Variants in GALK2 observed in about 807,000 individuals in gnomAD.
GALK2 encodes the protein galactokinase 2, also known as N-acetylgalactosamine kinase.
A neutral mutation model predicts 52.4 loss-of-function variants in GALK2; 36 were observed. That is an observed-to-expected ratio of 0.69 (90% confidence interval 0.53 to 0.91). The LOEUF (loss-of-function observed/expected upper bound fraction) is 0.91, where lower values mean the gene tolerates loss of function less well. GALK2 is among the 40% of genes least tolerant of loss of function. The probability of loss-of-function intolerance (pLI) is 0.00; values close to 1 mark genes in which losing one functional copy is unlikely to be tolerated. For missense variants in GALK2, 579 were observed against 559.1 expected (o/e 1.04, Z -0.36); for synonymous variants, 176 against 199.1 (o/e 0.88, Z 0.98).
Position 49,292,482 on chromosome 15 carries a change from G to A in GALK2, c.912G>A (p.Leu304=), listed in dbSNP as rs934340598. The change falls in exon 8 of 10, where the codon CTG becomes CTA. Residue 304 remains leucine, a synonymous_variant. Coordinates refer to ENST00000560031, the MANE Select transcript of GALK2 (RefSeq NM_002044.4). ...PYNPEEICRC[L]GISLEELRTQ... ...ACCCTGAGGAGATCTGCAGGTGTCT[G>A]GGAATTAGCCTGGAGGAACTCCGAA... The A allele has an allele frequency of 4.3e-6, 7 of 1,613,896 alleles. No homozygotes were observed. The highest frequency in any genetic ancestry group is 5.9e-6 in the Non-Finnish European group (7 of 1,179,970).
At chr15:49,315,042 A>G (rs925407748) in intron 8 of GALK2, among the ~76,000 whole-genome samples, 1 of 152,248 alleles carries the variant, frequency 6.6e-6, no homozygotes, top group African/African-American at 2.4e-5. Flanking sequence ...ACAAAATGAA[A>G]TATTTATTTT....
At chr15:49,352,268 T>G (rs559264284) in intron 3 of GALK2, among the ~76,000 whole-genome samples, 40 of 152,328 alleles carry the variant, frequency 2.6e-4, no homozygotes, top group Admixed American at 1.4e-3. Context: ...AGTCAAACTC[T>G]AATGGTTGAG....
intron 8 of GALK2, among the ~76,000 whole-genome samples, chr15:49,300,891 C>T (rs1002783785): frequency 2.0e-5 from 3 of 152,100 alleles, no homozygotes; most frequent in African/African-American, 4.8e-5. Flanking sequence ...AGCAAGAGAA[C>T]GGACTAATAC....
At chr15:49,344,847 C>A (rs1025386675) in intron 3 of GALK2, among the ~76,000 whole-genome samples, 1 of 152,178 alleles carries the variant, frequency 6.6e-6, no homozygotes, top group Non-Finnish European at 1.5e-5. Flanking sequence ...TAATGCCCGT[C>A]TTACTCCCTC....
At chr15:49,222,821 T>C (rs370633267) in intron 3 of GALK2, among the ~76,000 whole-genome samples, 3 of 152,344 alleles carry the variant, frequency 2.0e-5, no homozygotes, top group African/African-American at 7.2e-5. Context: ...TTTTTACATA[T>C]ATGTAAATAG....
intron 8 of GALK2, among the ~76,000 whole-genome samples, chr15:49,311,986 G>A: frequency 1.3e-5 from 2 of 152,288 alleles, no homozygotes; most frequent in Non-Finnish European, 2.9e-5. Flanking sequence ...CAGTTAATCT[G>A]CTCATTAAGC....
At chr15:49,179,135 C>T (rs928387096) in intron 1 of GALK2, among the ~76,000 whole-genome samples, 4 of 152,088 alleles carry the variant, frequency 2.6e-5, no homozygotes, top group Non-Finnish European at 5.9e-5. Context: ...ATTCACCCTC[C>T]TTTCCCAATG....
upstream of GALK2, among the ~76,000 whole-genome samples, chr15:49,169,713 C>G (rs1225843195): frequency 6.6e-6 from 1 of 152,184 alleles, no homozygotes; most frequent in Admixed American, 6.5e-5. Context: ...CTTTTCACTA[C>G]TGTGTTCTAG....
chr15:49,266,691 G>T (rs1314803691), intron 5 of GALK2, among the ~76,000 whole-genome samples: 1 of 152,222 alleles, frequency 6.6e-6, no homozygotes, highest in African/African-American at 2.4e-5. Context: ...TCTGGTTAGT[G>T]TCTTCAGCCA....
chr15:49,346,243 C>T (rs757713910), intron 3 of GALK2, among the ~76,000 whole-genome samples: 2 of 152,134 alleles, frequency 1.3e-5, no homozygotes, highest in African/African-American at 2.4e-5. Context: ...GCTGGGCCTG[C>T]GCAAGTGCGC....
chr15:49,157,199 G>A (rs1413047937), intron 1 of GALK2, among the ~76,000 whole-genome samples: 1 of 152,140 alleles, frequency 6.6e-6, no homozygotes, highest in East Asian at 1.9e-4. Flanking sequence ...CCTCATTTAA[G>A]TTTTCCTATC....
chr15:49,258,504 A>G (rs1210742932), intron 5 of GALK2, among the ~76,000 whole-genome samples: 1 of 152,106 alleles, frequency 6.6e-6, no homozygotes, highest in African/African-American at 2.4e-5. Context: ...AAATCCTAAC[A>G]GTGACACAAT....
intron 8 of GALK2, among the ~76,000 whole-genome samples, chr15:49,318,730 T>G (rs1002063253): frequency 6.6e-6 from 1 of 152,156 alleles, no homozygotes; most frequent in African/African-American, 2.4e-5. Flanking sequence ...ATTGCCACCA[T>G]AAGAATTTCC....
rs1159992915 is a variant in GALK2, at chr15:49,367,556, C to T, written c.*20C>T. 2.5e-6 allele frequency: 4 copies of T among 1,604,812 alleles called. No homozygotes were observed. The African/African-American group carries it at 5.4e-5, about 22-fold the overall frequency. ...ATATAAAATCAATGGACTCTGACCT[C>T]CAAAATTGAAGAGAACACGATTAAA... On this transcript the variant is annotated 3_prime_UTR_variant, in exon 4 of 4. Transcript: ENST00000558399.
chr15:49,172,766 C>T (rs191704356), intron 1 of GALK2, among the ~76,000 whole-genome samples: 6 of 152,104 alleles, frequency 3.9e-5, no homozygotes, highest in African/African-American at 4.8e-5. Context: ...TGCATGGTAC[C>T]GGTACCGTAA....
At chr15:49,354,534 C>T (rs1215937965) in intron 3 of GALK2, among the ~76,000 whole-genome samples, 1 of 152,236 alleles carries the variant, frequency 6.6e-6, no homozygotes, top group Non-Finnish European at 1.5e-5. Flanking sequence ...CTGCACTTTT[C>T]CGACCGGCTT....
rs1429946138 is a variant in GALK2 at position 49,357,530 on chromosome 15, T to C, written c.427-9961T>C. Among the ~76,000 whole-genome samples the C allele has an allele frequency of 5.3e-5, 8 of 152,072 alleles. No homozygotes were observed. In the East Asian group the frequency reaches 1.5e-3, roughly 29 times the overall value. On this transcript the variant is annotated intron_variant, in intron 3 of 3. Transcript: ENST00000558399. ...CTCGACACATACACTCTCCCAAGACTAAACCAGGAAGAAGTTGAATCTCTG... is the reference window on the plus strand; with the variant it reads ...CTCGACACATACACTCTCCCAAGACCAAACCAGGAAGAAGTTGAATCTCTG...
chr15:49,274,570 A>C (rs970560507), intron 5 of GALK2, among the ~76,000 whole-genome samples: 1 of 152,168 alleles, frequency 6.6e-6, no homozygotes, highest in African/African-American at 2.4e-5. Context: ...AATTTATATA[A>C]AAATGTTTTC....
chr15:49,182,635 C>T (rs764069497), intron 1 of GALK2, among the ~76,000 whole-genome samples: 1 of 152,212 alleles, frequency 6.6e-6, no homozygotes, highest in Non-Finnish European at 1.5e-5. Context: ...CTTTTCTCCA[C>T]ATCCTTACCA....
Sources: gnomAD v4.1 joint callset for allele counts (sites outside exome capture counted in the v4.1 genomes callset) on GRCh38, gnomAD v4.1.1 for gene constraint, MANE v1.5 for transcripts, NCBI Gene and HGNC (gene_info 2026-07-23, HGNC 2026-07-21) for gene names.